The following VPS13B variants were observed in gnomAD, a reference collection of about 807,000 sequenced individuals.
VPS13B encodes intermembrane lipid transfer protein VPS13B.
Under a neutral mutation model 426.4 loss-of-function variants are expected in VPS13B, and 285 were observed. The observed-to-expected ratio is 0.67, with a 90% CI of 0.61 to 0.74. The LOEUF (loss-of-function observed/expected upper bound fraction) is 0.74, where lower values mean the gene tolerates loss of function less well. VPS13B is among the 30% of genes least tolerant of loss of function. The pLI, the probability that VPS13B is intolerant of heterozygous loss-of-function variation, is 0.00. For synonymous variants in VPS13B, 1,676 were observed against 1,676.4 expected (o/e 1.00, Z 0.01); for missense variants, 4,537 against 4,782.6 (o/e 0.95, Z 1.51).
At chr8:99,651,128 C>T (rs966478791) in intron 34 of VPS13B, among the ~76,000 whole-genome samples, 7 of 152,024 alleles carry the variant, frequency 4.6e-5, no homozygotes, top group African/African-American at 1.4e-4. Flanking sequence ...CAAGGGATGA[C>T]TTTAAACATA....
Position 99,800,795 on chromosome 8 carries a change from C to A in VPS13B, c.7942-8580C>A, listed in dbSNP as rs1249484697. Among the ~76,000 whole-genome samples the A allele has an allele frequency of 2.0e-5, 3 of 151,864 alleles. No homozygotes were observed. In the South Asian group the frequency reaches 6.2e-4, roughly 32 times the overall value. ...AACAATAAAAATCCATAAATAAATTCTTGAATTTAGAGTTGTGTTTATAGT... is the reference window on the plus strand; with the variant it reads ...AACAATAAAAATCCATAAATAAATTATTGAATTTAGAGTTGTGTTTATAGT... On this transcript the variant is annotated intron_variant, in intron 43 of 61. Transcript: ENST00000357162.
intron 54 of VPS13B, among the ~76,000 whole-genome samples, chr8:99,836,449 C>T (rs1453309354): frequency 7.7e-6 from 1 of 130,214 alleles, no homozygotes; most frequent in Non-Finnish European, 1.6e-5. Context: ...CCTGGTAGCT[C>T]TCTTCTTCTT....
At chr8:99,238,823 T>G (rs1301778647) in intron 17 of VPS13B, among the ~76,000 whole-genome samples, 5 of 152,124 alleles carry the variant, frequency 3.3e-5, no homozygotes, top group Non-Finnish European at 7.4e-5. Context: ...ATTCTAGTGA[T>G]ATATCTAAAA....
chr8:99,030,838 A>G (rs1460674573), intron 2 of VPS13B, among the ~76,000 whole-genome samples: 1 of 152,192 alleles, frequency 6.6e-6, no homozygotes, highest in African/African-American at 2.4e-5. Flanking sequence ...AATATTTATT[A>G]ATCTTAATTT....
intron 33 of VPS13B, among the ~76,000 whole-genome samples, chr8:99,615,073 C>T (rs946944415): frequency 2.0e-5 from 3 of 146,460 alleles, no homozygotes; most frequent in African/African-American, 5.1e-5. Context: ...GCCGAGATTG[C>T]GCCATTGCAC....
chr8:99,596,203 TA>T (rs1390536992), intron 33 of VPS13B, among the ~76,000 whole-genome samples: 1 of 151,824 alleles, frequency 6.6e-6, no homozygotes, highest in East Asian at 1.9e-4. Flanking sequence ...CTTTTTTTTT[TA>T]AACAGAAACT....
At chr8:99,549,651 C>T (rs73271328) in intron 30 of VPS13B, among the ~76,000 whole-genome samples, 3,464 of 152,150 alleles carry the variant, frequency 0.023, 110 homozygotes, top group African/African-American at 0.074. Flanking sequence ...GTGGGCTGCA[C>T]CTCTTCCTCA....
chr8:99,081,787 T>G (rs555542651), intron 3 of VPS13B, among the ~76,000 whole-genome samples: 19 of 152,164 alleles, frequency 1.2e-4, no homozygotes, highest in South Asian at 2.1e-4. Flanking sequence ...CAAAGGACAT[T>G]AACTCATCAT....
At chr8:99,058,832 T>C (rs1337986523) in intron 3 of VPS13B, among the ~76,000 whole-genome samples, 1 of 152,194 alleles carries the variant, frequency 6.6e-6, no homozygotes, top group East Asian at 1.9e-4. Flanking sequence ...TATGGAATTT[T>C]ACTTTAGGAT....
chr8:99,263,443 A>G (rs1404564179), intron 17 of VPS13B, among the ~76,000 whole-genome samples: 1 of 152,180 alleles, frequency 6.6e-6, no homozygotes, highest in Admixed American at 6.5e-5. Flanking sequence ...GCAATTACGT[A>G]GTTTAGAAGA....
At chr8:99,454,846 A>G (rs945061800) in intron 23 of VPS13B, among the ~76,000 whole-genome samples, 3 of 152,078 alleles carry the variant, frequency 2.0e-5, no homozygotes, top group African/African-American at 7.2e-5. Context: ...TGGTATCTAA[A>G]TGCTGTTTAA....
intron 35 of VPS13B, among the ~76,000 whole-genome samples, chr8:99,688,053 A>T (rs1006908300): frequency 1.3e-5 from 2 of 151,924 alleles, no homozygotes; most frequent in African/African-American, 4.8e-5. Flanking sequence ...GTGATATAAC[A>T]GCATGGGTTG....
chr8:99,709,170 C>T (rs946946659), intron 36 of VPS13B, among the ~76,000 whole-genome samples: 6 of 152,154 alleles, frequency 3.9e-5, no homozygotes, highest in Non-Finnish European at 5.9e-5. Flanking sequence ...CTAACACATG[C>T]TTGCTGATTT....
chr8:99,310,686 A>G (rs1046328365), intron 19 of VPS13B, among the ~76,000 whole-genome samples: 1 of 152,182 alleles, frequency 6.6e-6, no homozygotes, highest in Non-Finnish European at 1.5e-5. Context: ...TGGTATCAGG[A>G]TGATGCTGGC....
chr8:99,212,091 C>G (rs1380681196), intron 17 of VPS13B, among the ~76,000 whole-genome samples: 2 of 152,032 alleles, frequency 1.3e-5, no homozygotes, highest in African/African-American at 4.8e-5. Context: ...CGGGGTTTCA[C>G]CATGTTGGCC....
intron 16 of VPS13B, among the ~76,000 whole-genome samples, chr8:99,171,280 T>G (rs962231368): frequency 1.8e-4 from 27 of 151,960 alleles, no homozygotes; most frequent in African/African-American, 6.0e-4. Flanking sequence ...ATGTTGCATT[T>G]GAGTCAAGTT....
intron 31 of VPS13B, among the ~76,000 whole-genome samples, chr8:99,561,650 A>G (rs146075326): frequency 0.023 from 3,578 of 152,296 alleles, 60 homozygotes; most frequent in Middle Eastern, 0.082. Context: ...GGCCAATGTA[A>G]GTGTTCTGAA....
In VPS13B at chr8:99,307,717, T is replaced by G. The variant is rs190024318; in HGVS notation, c.2824+32463T>G. On this transcript the variant is annotated intron_variant, in intron 19 of 61. Transcript: ENST00000357162. Reference sequence around the variant, plus strand: ...TGTTTATCTGTTAAAAACCTTTTCCTTTTGTTGATCCCTTTTTCATTGAAG... The same window carrying G: ...TGTTTATCTGTTAAAAACCTTTTCCGTTTGTTGATCCCTTTTTCATTGAAG... 1.6e-3 allele frequency among the ~76,000 whole-genome samples: 243 copies of G among 152,212 alleles called. 1 individual carries two copies. The highest frequency in any genetic ancestry group is 2.4e-3 in the Non-Finnish European group (165 of 67,982).
chr8:99,475,642 C>T (rs1439340308), intron 24 of VPS13B, among the ~76,000 whole-genome samples: 1 of 152,290 alleles, frequency 6.6e-6, no homozygotes, highest in East Asian at 1.9e-4. Context: ...GAGCTAAGCT[C>T]AGATTTTGTT....
Sources: allele counts gnomAD v4.1 joint callset (sites outside exome capture counted in the v4.1 genomes callset), GRCh38; gene constraint gnomAD v4.1.1; transcripts MANE v1.5; gene names NCBI Gene and HGNC (gene_info 2026-07-23, HGNC 2026-07-21).